The following FAM184A variants were observed in gnomAD, a reference collection of about 807,000 sequenced individuals.
FAM184A encodes the protein protein FAM184A.
FAM184A carries 99 observed loss-of-function variants against 143.8 expected under a neutral mutation model. The ratio of observed to expected loss-of-function variants is 0.69; its 90% CI spans 0.58 to 0.81. FAM184A has a LOEUF of 0.81. Among genes scored for constraint, FAM184A ranks in the 40% least tolerant of loss-of-function variants. FAM184A has a pLI of 0.00. For missense variants in FAM184A, 1,217 were observed against 1,310.5 expected, an observed-to-expected ratio of 0.93 and a Z score of 1.10; for synonymous variants, 427 against 446.4, an observed-to-expected ratio of 0.96 and a Z score of 0.55.
At chr6:119,081,262 A>G (rs1788055871), upstream of FAM184A, among the ~76,000 whole-genome samples, 1 of 152,218 alleles carries the variant, frequency 6.6e-6, no homozygotes, top group African/African-American at 2.4e-5. Flanking sequence ...CTCACTCACC[A>G]TGACAAGAAC....
chr6:119,080,495 C>T (rs780434070), upstream of FAM184A, among the ~76,000 whole-genome samples: 6 of 152,100 alleles, frequency 3.9e-5, no homozygotes, highest in African/African-American at 9.7e-5. Flanking sequence ...TTTTTCCCCA[C>T]GACAATGGGA....
chr6:119,101,991 G>A (rs1189745441), intron 1 of FAM184A, among the ~76,000 whole-genome samples: 9 of 152,046 alleles, frequency 5.9e-5, no homozygotes, highest in Non-Finnish European at 1.2e-4. Flanking sequence ...GGGAGGCAGA[G>A]GTTGCAGTGA....
At chr6:119,112,380 G>A (rs762630135) in intron 1 of FAM184A, among the ~76,000 whole-genome samples, 3 of 152,028 alleles carry the variant, frequency 2.0e-5, no homozygotes, top group Non-Finnish European at 4.4e-5. Flanking sequence ...CGCCTGCCTG[G>A]GCCTCCCAAA....
chr6:119,006,498 G>A lies in FAM184A; in HGVS notation c.1764C>T (p.Asp588=), dbSNP rs180843906. The A allele has an allele frequency of 4.2e-5, 68 of 1,614,012 alleles. No homozygotes were observed. In the East Asian group the frequency reaches 1.3e-3, roughly 30 times the overall value. The change falls in exon 7 of 18, where the codon GAC becomes GAT. Residue 588 remains aspartate, a synonymous_variant. Coordinates refer to ENST00000338891, the MANE Select transcript of FAM184A (RefSeq NM_024581.6). ...TCTCCTTTAGGCTGTCTTTAGTCAA[G>A]TCAAGCTCATTCTGAAGCCTTTCCT... ...DSQERLQNEL[D]LTKDSLKETK... is the part of the protein sequence containing the mutation.
intron 6 of FAM184A, among the ~76,000 whole-genome samples, chr6:119,007,888 CGA>C (rs1464958765): frequency 4.0e-5 from 6 of 151,012 alleles, no homozygotes; most frequent in African/African-American, 1.5e-4. Context: ...TTGCAGTGAG[CGA>C]GATTGTGCCA....
chr6:119,080,303 G>A (rs1582597294), upstream of FAM184A, among the ~76,000 whole-genome samples: 1 of 152,154 alleles, frequency 6.6e-6, no homozygotes, highest in African/African-American at 2.4e-5. Flanking sequence ...GAAAAGAGAT[G>A]GTGTTACCAG....
At chr6:118,981,378 C>T (rs898452355) in intron 9 of FAM184A, among the ~76,000 whole-genome samples, 3 of 152,036 alleles carry the variant, frequency 2.0e-5, no homozygotes, top group African/African-American at 4.8e-5. Flanking sequence ...AAATGTGTTC[C>T]ATAAGCAACT....
At chr6:119,031,879 G>GA (rs1785884316) in intron 1 of FAM184A, among the ~76,000 whole-genome samples, 3 of 151,878 alleles carry the variant, frequency 2.0e-5, no homozygotes, top group South Asian at 4.1e-4. Context: ...CACAATATAA[G>GA]AAAAAATGAT....
intron 1 of FAM184A, among the ~76,000 whole-genome samples, chr6:119,074,231 A>C (rs1347869346): frequency 6.6e-6 from 1 of 152,230 alleles, no homozygotes; most frequent in African/African-American, 2.4e-5. Context: ...TCCTTGACCA[A>C]CTTTGGAAGG....
chr6:119,057,611 G>A (rs922219998), intron 1 of FAM184A, among the ~76,000 whole-genome samples: 1 of 152,110 alleles, frequency 6.6e-6, no homozygotes, highest in Non-Finnish European at 1.5e-5. Flanking sequence ...GTGTGGTGGT[G>A]CACACCTGTA....
chr6:119,139,155 T>G (rs981980416), intron 1 of FAM184A, among the ~76,000 whole-genome samples: 10 of 152,176 alleles, frequency 6.6e-5, no homozygotes, highest in African/African-American at 2.2e-4. Context: ...AGAAGTGGTT[T>G]TATCTGCTTT....
At chr6:118,987,049 T>G (rs550175290) in intron 9 of FAM184A, among the ~76,000 whole-genome samples, 1 of 152,242 alleles carries the variant, frequency 6.6e-6, no homozygotes, top group Non-Finnish European at 1.5e-5. Flanking sequence ...TTTTCTTGCA[T>G]AGTAGGAAAA....
chr6:119,041,917 A>C (rs981097894), intron 1 of FAM184A, among the ~76,000 whole-genome samples: 1 of 152,150 alleles, frequency 6.6e-6, no homozygotes, highest in Non-Finnish European at 1.5e-5. Context: ...CGCATGGCCC[A>C]AGATTCCATT....
intron 15 of FAM184A, among the ~76,000 whole-genome samples, chr6:118,966,569 C>T (rs973111196): frequency 2.0e-5 from 3 of 151,996 alleles, no homozygotes; most frequent in Non-Finnish European, 4.4e-5. Context: ...TGTATACTGG[C>T]AGTGACATAT....
chr6:119,021,074 G>T (rs566122693), intron 3 of FAM184A, among the ~76,000 whole-genome samples: 1 of 152,254 alleles, frequency 6.6e-6, no homozygotes, highest in Non-Finnish European at 1.5e-5. Context: ...AGCATCACCT[G>T]GGAACTCTGG....
intron 14 of FAM184A, among the ~76,000 whole-genome samples, chr6:118,967,233 G>C (rs968226724): frequency 6.6e-6 from 1 of 152,190 alleles, no homozygotes; most frequent in Non-Finnish European, 1.5e-5. Context: ...AAGGTGAGCA[G>C]TATCTGGAGA....
chr6:119,110,753 A>G (rs144000629), intron 1 of FAM184A, among the ~76,000 whole-genome samples: 1,968 of 152,352 alleles, frequency 0.013, 31 homozygotes, highest in South Asian at 0.085. Flanking sequence ...ATATTTCACA[A>G]TTAAAGTACT....
chr6:119,131,592 C>G (rs1297934456), intron 1 of FAM184A, among the ~76,000 whole-genome samples: 2 of 152,080 alleles, frequency 1.3e-5, no homozygotes, highest in African/African-American at 4.8e-5. Flanking sequence ...CTCAAGCGAT[C>G]CCCCTACCAC....
At position 119,011,379 on chromosome 6, in the gene FAM184A, T is replaced by C. The variant is rs200578559; in HGVS notation, c.1583A>G (p.Asn528Ser). ...GTTTTCTAGCTCTTGTTGAAGCTGA[T>C]TTTTATCCTCTTCCAGGTTTAGTTT... ...KDKLNLEEDKNQLQQELENLK... is the reference protein window; with the variant it reads ...KDKLNLEEDKSQLQQELENLK... Residue 528 changes from asparagine (N) to serine (S), a missense_variant, in exon 6 of 18, where the codon AAT (asparagine) becomes AGT (serine). Asn to Ser is a conservative substitution (Grantham distance 46). Coordinates refer to ENST00000338891, the MANE Select transcript of FAM184A (RefSeq NM_024581.6). The C allele has an allele frequency of 4.5e-4, 713 of 1,585,780 alleles. No homozygotes were observed. The highest frequency in any genetic ancestry group is 5.9e-4 in the Non-Finnish European group (687 of 1,162,660).
Sources: allele counts gnomAD v4.1 joint callset (sites outside exome capture counted in the v4.1 genomes callset), GRCh38; gene constraint gnomAD v4.1.1; transcripts MANE v1.5; gene names NCBI Gene and HGNC (gene_info 2026-07-23, HGNC 2026-07-21).